Variants in DNAAF11 observed in about 807,000 individuals in gnomAD.
DNAAF11 encodes the protein dynein axonemal assembly factor 11, also known as leucine rich repeat containing 6.
In DNAAF11, 45 loss-of-function variants were observed where a neutral mutation model predicts 60.8. The observed-to-expected ratio is 0.74, with a 90% CI of 0.58 to 0.95. DNAAF11 has a LOEUF of 0.95. Among genes scored for constraint, DNAAF11 ranks in the 40% least tolerant of loss-of-function variants. The probability of loss-of-function intolerance (pLI) is 0.00; values close to 1 mark genes in which losing one functional copy is unlikely to be tolerated. For missense variants in DNAAF11, 546 were observed against 546.2 expected (o/e 1.00, Z 0.00); for synonymous variants, 191 against 183.5 (o/e 1.04, Z -0.33).
rs1273629195 is a variant in DNAAF11, at chr8:132,625,297, G to A, written c.811C>T (p.Gln271Ter). The A allele has an allele frequency of 6.2e-7, 1 of 1,605,020 alleles. No homozygotes were observed. The part of the protein sequence containing the change: ...RLETLRHMEK[Q>*]RKKQEKLSEK... ...CTTAATTTTTCCTGTTTCTTCCGTT[G>A]TTTTTCCATGTGTCTAAGAGTTTCC... Residue 271 changes from glutamine to a stop codon, truncating the protein, a stop_gained, in exon 6 of 12, where the codon CAA becomes TAA. Transcript: ENST00000620350. LOFTEE classifies it high-confidence loss of function.
At chr8:132,597,169 T>C (rs1489079076) in intron 10 of DNAAF11, among the ~76,000 whole-genome samples, 1 of 152,184 alleles carries the variant, frequency 6.6e-6, no homozygotes, top group Non-Finnish European at 1.5e-5. Context: ...GGGTCACCTC[T>C]TATTTTATTT....
intron 1 of DNAAF11, among the ~76,000 whole-genome samples, chr8:132,667,381 G>C (rs1824740605): frequency 6.6e-6 from 1 of 152,080 alleles, no homozygotes; most frequent in South Asian, 2.1e-4. Context: ...TACAGTCATT[G>C]GTCAATAAAT....
At chr8:132,609,243 C>T (rs2129931124) in intron 10 of DNAAF11, among the ~76,000 whole-genome samples, 1 of 152,118 alleles carries the variant, frequency 6.6e-6, no homozygotes, top group Admixed American at 6.6e-5. Flanking sequence ...TTGTATATAA[C>T]CCACAAACAT....
chr8:132,617,174 G>C (rs1819249395), intron 7 of DNAAF11, among the ~76,000 whole-genome samples: 2 of 152,140 alleles, frequency 1.3e-5, no homozygotes. Context: ...GCTCAGAGAA[G>C]AGGTTGGATC....
the DNAAF11 span, among the ~76,000 whole-genome samples, chr8:132,691,958 T>A: frequency 6.6e-6 from 1 of 152,142 alleles, no homozygotes; most frequent in Non-Finnish European, 1.5e-5. Flanking sequence ...CATATCAAAA[T>A]GTTTGGAGAT....
the DNAAF11 span, among the ~76,000 whole-genome samples, chr8:132,697,313 T>C: frequency 6.6e-6 from 1 of 152,216 alleles, no homozygotes; most frequent in Non-Finnish European, 1.5e-5. Context: ...GAATGTTACC[T>C]TGTATAAATC....
chr8:132,661,309 G>T, intron 2 of DNAAF11, 151 bp downstream of exon 2: 2 of 643,174 alleles, frequency 3.1e-6, no homozygotes, highest in Non-Finnish European at 5.2e-6. Context: ...TCAGGGAAAC[G>T]CCCCCCACAC....
the DNAAF11 span, among the ~76,000 whole-genome samples, chr8:132,683,414 A>G: frequency 6.7e-4 from 102 of 152,310 alleles, no homozygotes; most frequent in African/African-American, 2.4e-3. Flanking sequence ...GCACGTCCTC[A>G]ATGTGACCAG....
At chr8:132,610,354 C>T in intron 9 of DNAAF11, 93 bp from the exon 10 acceptor site, 1 of 768,092 alleles carries the variant, frequency 1.3e-6, no homozygotes. Flanking sequence ...ATTCAAGATA[C>T]ACCATTCAAT....
intron 10 of DNAAF11, among the ~76,000 whole-genome samples, chr8:132,593,995 A>C (rs1417430642): frequency 6.6e-6 from 1 of 152,172 alleles, no homozygotes; most frequent in Non-Finnish European, 1.5e-5. Context: ...AAATAGGAAA[A>C]AGGAAGTAAT....
chr8:132,681,430 A>G, the DNAAF11 span, among the ~76,000 whole-genome samples: 1 of 151,552 alleles, frequency 6.6e-6, no homozygotes, highest in Non-Finnish European at 1.5e-5. Context: ...CTTTCTACCA[A>G]CCTAGTGAAA....
chr8:132,620,554 C>T (rs559006102), intron 7 of DNAAF11, among the ~76,000 whole-genome samples: 4 of 152,074 alleles, frequency 2.6e-5, no homozygotes, highest in East Asian at 3.9e-4. Flanking sequence ...AGGCTGGTCT[C>T]GAACTACTGA....
intron 11 of DNAAF11, among the ~76,000 whole-genome samples, chr8:132,581,555 C>T (rs1288027483): frequency 1.3e-5 from 2 of 150,904 alleles, no homozygotes; most frequent in Non-Finnish European, 1.5e-5. Context: ...GAGGCTGAGG[C>T]TGGAGAATCG....
chr8:132,617,420 G>C (rs1006513053), intron 7 of DNAAF11, among the ~76,000 whole-genome samples: 1 of 152,178 alleles, frequency 6.6e-6, no homozygotes, highest in Admixed American at 6.5e-5. Context: ...TTGTGAATGG[G>C]AGTTCACTCA....
chr8:132,651,298 AT>A (rs369657453), intron 3 of DNAAF11, among the ~76,000 whole-genome samples: 63 of 148,620 alleles, frequency 4.2e-4, no homozygotes, highest in South Asian at 1.1e-3. Flanking sequence ...GATACTAGCT[AT>A]TTTTTTTTTG....
chr8:132,595,891 A>G (rs1454941369), intron 10 of DNAAF11, among the ~76,000 whole-genome samples: 1 of 152,218 alleles, frequency 6.6e-6, no homozygotes, highest in Non-Finnish European at 1.5e-5. Flanking sequence ...GGGGGAGGAC[A>G]CTGGCTTGAT....
intron 5 of DNAAF11, among the ~76,000 whole-genome samples, chr8:132,629,399 G>C (rs1162395172): frequency 6.7e-5 from 10 of 149,752 alleles, no homozygotes; most frequent in Non-Finnish European, 5.9e-5. Context: ...CCAGGCTGGA[G>C]TGCAGTGGCC....
At chr8:132,658,876 T>TA (rs1047331881) in intron 2 of DNAAF11, among the ~76,000 whole-genome samples, 9 of 151,720 alleles carry the variant, frequency 5.9e-5, no homozygotes, top group East Asian at 5.8e-4. Context: ...CACAGCGGGT[T>TA]AAAAAAAAGG....
intron 4 of DNAAF11, among the ~76,000 whole-genome samples, chr8:132,636,338 T>C (rs1442278948): frequency 6.6e-6 from 1 of 152,104 alleles, no homozygotes; most frequent in Non-Finnish European, 1.5e-5. Context: ...AATGTGGGTA[T>C]AGTGTGAATG....
Sources: gnomAD v4.1 joint callset for allele counts (sites outside exome capture counted in the v4.1 genomes callset) on GRCh38, gnomAD v4.1.1 for gene constraint, MANE v1.5 for transcripts, NCBI Gene and HGNC (gene_info 2026-07-23, HGNC 2026-07-21) for gene names.